ZNF536: variants seen among roughly 807,000 people sequenced by gnomAD.
ZNF536 encodes zinc finger protein 536.
Under a neutral mutation model 84.5 loss-of-function variants are expected in ZNF536, and 13 were observed. The observed-to-expected ratio is 0.15, with a 90% CI of 0.10 to 0.24. The LOEUF is 0.24. Among genes scored for constraint, ZNF536 ranks in the 10% least tolerant of loss-of-function variants. ZNF536 has a pLI of 1.00. For missense variants in ZNF536, 1,536 were observed against 1,747.5 expected (o/e 0.88, Z 2.16); for synonymous variants, 811 against 742.5 (o/e 1.09, Z -1.50).
intron 2 of ZNF536, among the ~76,000 whole-genome samples, chr19:30,489,953 A>G (rs1224479025): frequency 6.6e-6 from 1 of 152,226 alleles, no homozygotes; most frequent in African/African-American, 2.4e-5. Context: ...CTGATTTGCA[A>G]GTTCTCAAAG....
At chr19:30,677,387 C>G (rs745349572) in intron 1 of ZNF536, among the ~76,000 whole-genome samples, 10 of 152,232 alleles carry the variant, frequency 6.6e-5, no homozygotes, top group Non-Finnish European at 1.2e-4. Context: ...GAAAGGTGCC[C>G]TCCTGGCTAT....
At chr19:30,297,824 T>C (rs1021107976) in intron 2 of ZNF536, among the ~76,000 whole-genome samples, 3 of 151,698 alleles carry the variant, frequency 2.0e-5, no homozygotes, top group African/African-American at 7.3e-5. Context: ...AGGAGCCCCC[T>C]GGATTTGCAC....
intron 2 of ZNF536, among the ~76,000 whole-genome samples, chr19:30,475,019 A>C (rs2053786874): frequency 6.7e-6 from 1 of 150,120 alleles, no homozygotes; most frequent in Non-Finnish European, 1.5e-5. Context: ...ATAATTCTGC[A>C]GTTTGCTTTT....
In ZNF536 at chr19:30,255,763, T is replaced by A. The variant is rs372995642; in HGVS notation, c.-190+27090T>A. The stretch of plus-strand genomic sequence containing the variant: ...CTTTTGATTTTGGAGTCAATACAAA[T>A]TTCATCAGTGATTGTAGGGTGCAGG... On this transcript the variant is annotated intron_variant, in intron 1 of 5. Coordinates refer to the ZNF536 transcript ENST00000585628. 2.6e-5 allele frequency among the ~76,000 whole-genome samples: 4 copies of A among 152,328 alleles called. No homozygotes were observed. The East Asian group carries it at 5.8e-4, about 22-fold the overall frequency.
chr19:30,418,732 C>A (rs1466452485), intron 1 of ZNF536, among the ~76,000 whole-genome samples: 1 of 152,128 alleles, frequency 6.6e-6, no homozygotes, highest in Non-Finnish European at 1.5e-5. Flanking sequence ...CTTCATGCCA[C>A]CATCACTAAA....
At chr19:30,456,857 C>T (rs751280640) in intron 2 of ZNF536, among the ~76,000 whole-genome samples, 9 of 151,910 alleles carry the variant, frequency 5.9e-5, no homozygotes, top group East Asian at 1.9e-4. Context: ...GCCTGGCCAA[C>T]GTGGCAAAAC....
At chr19:30,230,198 T>C (rs1379431313) in intron 1 of ZNF536, among the ~76,000 whole-genome samples, 1 of 152,222 alleles carries the variant, frequency 6.6e-6, no homozygotes, top group African/African-American at 2.4e-5. Context: ...TTTGATTTAC[T>C]GTTCAAATGA....
At chr19:30,440,934 G>C (rs533248527) in intron 1 of ZNF536, among the ~76,000 whole-genome samples, 2 of 103,960 alleles carry the variant, frequency 1.9e-5, no homozygotes, top group Admixed American at 1.0e-4. Flanking sequence ...TAGATAGATA[G>C]ATAGATTTGA....
intron 1 of ZNF536, among the ~76,000 whole-genome samples, chr19:30,398,768 A>T (rs1034793901): frequency 7.2e-5 from 11 of 152,174 alleles, no homozygotes; most frequent in Non-Finnish European, 1.6e-4. Flanking sequence ...ATGGCTGCAT[A>T]GTATTCCATG....
chr19:30,249,690 C>A (rs1295150942), intron 1 of ZNF536, among the ~76,000 whole-genome samples: 1 of 152,192 alleles, frequency 6.6e-6, no homozygotes, highest in Non-Finnish European at 1.5e-5. Flanking sequence ...ACATTCAGAG[C>A]AAGTGGCTGA....
chr19:30,333,004 C>A (rs766872256), intron 2 of ZNF536, among the ~76,000 whole-genome samples: 8 of 152,124 alleles, frequency 5.3e-5, no homozygotes, highest in Non-Finnish European at 8.8e-5. Flanking sequence ...ATAGCTTGAG[C>A]CCAGGGGGTC....
chr19:30,407,930 C>T (rs2050329418), intron 1 of ZNF536, among the ~76,000 whole-genome samples: 1 of 152,152 alleles, frequency 6.6e-6, no homozygotes, highest in Non-Finnish European at 1.5e-5. Flanking sequence ...CTTTGGCTCA[C>T]AGAGGATGAC....
In ZNF536 at chr19:30,228,942, G is replaced by C. The variant is rs1307078920; in HGVS notation, c.-190+269G>C. 6.6e-6 allele frequency among the ~76,000 whole-genome samples: 1 copy of C among 151,838 alleles called. No individual in the cohort carries two copies. Among genetic ancestry groups the C allele is most frequent in the Non-Finnish European group, 1.5e-5 (1 of 67,944 alleles). On this transcript the variant is annotated intron_variant, in intron 1 of 5. Transcript: ENST00000585628. This position sits in a 1 kb window ranked among gnomAD's most constrained non-coding sequence, Gnocchi z 4.5. ...GTGGCGAGACTCGGGAGGCGATCTT[G>C]GGGGGCGCGCGGTCGCAGTTGGGCA...
chr19:30,244,875 G>T (rs1174308744), intron 1 of ZNF536, among the ~76,000 whole-genome samples: 1 of 152,164 alleles, frequency 6.6e-6, no homozygotes, highest in Non-Finnish European at 1.5e-5. Flanking sequence ...TTTAGGAAAT[G>T]CCAATGGAAC....
intron 2 of ZNF536, among the ~76,000 whole-genome samples, chr19:30,297,876 CTT>C (rs367560638): frequency 1.4e-5 from 2 of 138,962 alleles, no homozygotes; most frequent in East Asian, 2.1e-4. Context: ...AACTTCATGC[CTT>C]TTTTTTTTTT....
At chr19:30,413,682 C>T (rs1161504259) in intron 1 of ZNF536, among the ~76,000 whole-genome samples, 1 of 152,158 alleles carries the variant, frequency 6.6e-6, no homozygotes, top group Non-Finnish European at 1.5e-5. Flanking sequence ...TTTTGCATTA[C>T]ATTACCCGCT....
At chr19:30,518,792 G>T (rs1644737355) in intron 2 of ZNF536, among the ~76,000 whole-genome samples, 1 of 152,154 alleles carries the variant, frequency 6.6e-6, no homozygotes, top group Admixed American at 6.5e-5. Context: ...CAGACCACAG[G>T]TTTGCCATGG....
chr19:30,446,753 T>G, intron 2 of ZNF536, among the ~76,000 whole-genome samples: 1 of 151,974 alleles, frequency 6.6e-6, no homozygotes, highest in East Asian at 1.9e-4. Flanking sequence ...GCAGAAAATC[T>G]GTCATCAAAA....
chr19:30,238,345 G>A (rs951771240), intron 1 of ZNF536, among the ~76,000 whole-genome samples: 3 of 152,060 alleles, frequency 2.0e-5, no homozygotes, highest in Admixed American at 2.0e-4. Flanking sequence ...AGGGTCAGCT[G>A]AGTTATGGAG....
Sources: allele counts gnomAD v4.1 joint callset (sites outside exome capture counted in the v4.1 genomes callset), GRCh38; gene constraint gnomAD v4.1.1; non-coding constraint Gnocchi (gnomAD v3.1); transcripts MANE v1.5; gene names NCBI Gene and HGNC (gene_info 2026-07-23, HGNC 2026-07-21).